GRID2: variants seen among roughly 807,000 people sequenced by gnomAD.
GRID2 encodes glutamate ionotropic receptor delta type subunit 2.
In GRID2, 33 loss-of-function variants were observed where a neutral mutation model predicts 114.8. The ratio of observed to expected loss-of-function variants is 0.29; its 90% CI spans 0.22 to 0.38. The LOEUF (loss-of-function observed/expected upper bound fraction) is 0.38. GRID2 is among the 10% of genes least tolerant of loss of function. The pLI, the probability that GRID2 is intolerant of heterozygous loss-of-function variation, is 1.00. For missense variants in GRID2, 1,184 were observed against 1,257.7 expected, an observed-to-expected ratio of 0.94 and a Z score of 0.89; for synonymous variants, 505 against 449.9, an observed-to-expected ratio of 1.12 and a Z score of -1.55.
chr4:93,331,752 G>T (rs1290816839), intron 8 of GRID2, among the ~76,000 whole-genome samples: 1 of 152,068 alleles, frequency 6.6e-6, no homozygotes, highest in Admixed American at 6.6e-5. Context: ...TCAATTATCA[G>T]CTGTAAATAT....
chr4:93,415,959 T>C (rs1487946365), intron 9 of GRID2, among the ~76,000 whole-genome samples: 4 of 152,012 alleles, frequency 2.6e-5, no homozygotes, highest in Non-Finnish European at 4.4e-5. Flanking sequence ...GGTAAAAACA[T>C]TTAAGGAAAG....
chr4:92,917,766 T>G (rs1156398054), intron 2 of GRID2, among the ~76,000 whole-genome samples: 1 of 152,186 alleles, frequency 6.6e-6, no homozygotes, highest in Non-Finnish European at 1.5e-5. Flanking sequence ...TGTAGTATAG[T>G]TTGAAGTCAG....
At chr4:93,315,665 A>G (rs1427248741) in intron 8 of GRID2, among the ~76,000 whole-genome samples, 1 of 152,168 alleles carries the variant, frequency 6.6e-6, no homozygotes, top group African/African-American at 2.4e-5. Flanking sequence ...TCTGCCTGAC[A>G]CATTGTAGGC....
At chr4:93,235,379 A>G (rs1363109889) in intron 7 of GRID2, among the ~76,000 whole-genome samples, 2 of 152,112 alleles carry the variant, frequency 1.3e-5, no homozygotes, top group East Asian at 3.9e-4. Flanking sequence ...CTGCTGCATC[A>G]CCAAGAGATA....
At chr4:92,702,890 C>A (rs2149302655) in intron 2 of GRID2, among the ~76,000 whole-genome samples, 1 of 151,998 alleles carries the variant, frequency 6.6e-6, no homozygotes. Flanking sequence ...AAGTACTCTC[C>A]CATAAGTGCT....
At chr4:93,379,050 A>G (rs1763623190) in intron 8 of GRID2, among the ~76,000 whole-genome samples, 1 of 152,166 alleles carries the variant, frequency 6.6e-6, no homozygotes, top group African/African-American at 2.4e-5. Context: ...TATTCTCTAC[A>G]TTAATAAAAC....
At chr4:93,672,314 G>A (rs552192813) in intron 14 of GRID2, among the ~76,000 whole-genome samples, 14 of 152,344 alleles carry the variant, frequency 9.2e-5, no homozygotes, top group Non-Finnish European at 1.8e-4. Context: ...ACATCCAAGG[G>A]TGGCCAAGGG....
intron 2 of GRID2, among the ~76,000 whole-genome samples, chr4:92,645,311 C>T (rs1335260969): frequency 6.6e-6 from 1 of 151,638 alleles, no homozygotes; most frequent in Non-Finnish European, 1.5e-5. Flanking sequence ...ATGTTTCAGT[C>T]TGATTGCATC....
At chr4:93,107,751 C>A (rs549617161) in intron 3 of GRID2, among the ~76,000 whole-genome samples, 1 of 152,026 alleles carries the variant, frequency 6.6e-6, no homozygotes, top group Non-Finnish European at 1.5e-5. Context: ...ACCTCAGCCT[C>A]CCAAAGTGCT....
chr4:93,272,996 C>A (rs2149572309), intron 8 of GRID2, among the ~76,000 whole-genome samples: 1 of 152,228 alleles, frequency 6.6e-6, no homozygotes, highest in South Asian at 2.1e-4. Context: ...AACCCTTGAC[C>A]ATCCTTTGTA....
In GRID2 at chr4:92,991,490, AAAT is replaced by A. The variant is rs149028888; in HGVS notation, c.245-93501_245-93499del. ...AGAAATTAATAAACCATCTCCGTGC[AAAT>A]AATTAATGCTGTTTAACCACCCAAA... On this transcript the variant is annotated intron_variant, in intron 2 of 15. Coordinates refer to ENST00000282020, the MANE Select transcript of GRID2 (RefSeq NM_001510.4). Among the ~76,000 whole-genome samples, 53 of 152,332 alleles carry A rather than the reference AAAT, an allele frequency of 3.5e-4. No homozygotes were observed. The East Asian group carries it at 8.9e-3, about 25-fold the overall frequency.
intron 8 of GRID2, among the ~76,000 whole-genome samples, chr4:93,249,416 T>A (rs562950697): frequency 2.0e-5 from 3 of 152,142 alleles, no homozygotes; most frequent in Non-Finnish European, 4.4e-5. Context: ...TGAAGAAAGC[T>A]AATGGTAGCT....
chr4:92,650,819 A>G (rs1731891459), intron 2 of GRID2, among the ~76,000 whole-genome samples: 1 of 151,982 alleles, frequency 6.6e-6, no homozygotes. Context: ...CCTGGCTATC[A>G]GAGAAACAGA....
intron 2 of GRID2, among the ~76,000 whole-genome samples, chr4:92,937,586 T>A (rs1011332390): frequency 6.8e-6 from 1 of 146,714 alleles, no homozygotes; most frequent in African/African-American, 2.4e-5. Flanking sequence ...TATGTCAGTA[T>A]CAAATTATCT....
chr4:93,335,311 G>A (rs1187069599), intron 8 of GRID2, among the ~76,000 whole-genome samples: 3 of 152,152 alleles, frequency 2.0e-5, no homozygotes, highest in Non-Finnish European at 4.4e-5. Flanking sequence ...GTAGTGAGAG[G>A]TAATTGTGTC....
chr4:93,424,045 C>T (rs1768597931), intron 10 of GRID2, among the ~76,000 whole-genome samples: 1 of 151,990 alleles, frequency 6.6e-6, no homozygotes, highest in South Asian at 2.1e-4. Flanking sequence ...TACATTCTAT[C>T]TTAAGTTAAT....
chr4:92,620,213 G>A (rs1730202106), intron 2 of GRID2, among the ~76,000 whole-genome samples: 1 of 151,674 alleles, frequency 6.6e-6, no homozygotes, highest in Non-Finnish European at 1.5e-5. Flanking sequence ...ATCAAAGAGT[G>A]GAATGGTTTG....
Position 93,539,924 on chromosome 4 carries a change from T to C in GRID2, c.2193+24513T>C, listed in dbSNP as rs144208968. On this transcript the variant is annotated intron_variant, in intron 13 of 15. Transcript: ENST00000282020. ...TTGTGCTGGGCACCTGAGAGGCCCA[T>C]TTAATCTATAAACTCATGTTCTTCA... is the stretch of plus-strand genomic sequence containing the variant. 3.3e-5 allele frequency among the ~76,000 whole-genome samples: 5 copies of C among 152,118 alleles called. No individual in the cohort carries two copies. The East Asian group carries it at 9.7e-4, about 29-fold the overall frequency.
intron 1 of GRID2, among the ~76,000 whole-genome samples, chr4:92,418,324 A>G (rs1731721966): frequency 6.6e-6 from 1 of 152,052 alleles, no homozygotes; most frequent in East Asian, 1.9e-4. Context: ...TACACTGCAA[A>G]ATGAGGCTGA....
Sources: allele counts gnomAD v4.1 joint callset (sites outside exome capture counted in the v4.1 genomes callset), GRCh38; gene constraint gnomAD v4.1.1; transcripts MANE v1.5; gene names NCBI Gene and HGNC (gene_info 2026-07-23, HGNC 2026-07-21).